STAG1: variants seen among roughly 807,000 people sequenced by gnomAD.
STAG1 encodes the protein STAG1 cohesin complex component.
In STAG1, 26 loss-of-function variants were observed where a neutral mutation model predicts 170.9. That is an observed-to-expected ratio of 0.15 (90% CI 0.11 to 0.21). The LOEUF (loss-of-function observed/expected upper bound fraction) is 0.21, where lower values mean the gene tolerates loss of function less well. Among genes scored for constraint, STAG1 ranks in the 10% least tolerant of loss-of-function variants. The pLI, the probability that STAG1 is intolerant of heterozygous loss-of-function variation, is 1.00. For missense variants in STAG1, 964 were observed against 1,509.5 expected, an observed-to-expected ratio of 0.64 and a Z score of 5.99; for synonymous variants, 514 against 497.7, an observed-to-expected ratio of 1.03 and a Z score of -0.44.
intron 25 of STAG1, among the ~76,000 whole-genome samples, chr3:136,364,757 C>T (rs1426947924): frequency 6.6e-6 from 1 of 152,132 alleles, no homozygotes; most frequent in African/African-American, 2.4e-5. Context: ...ACCATTAAAT[C>T]TGGACATTGT....
chr3:136,459,925 CAAT>C (rs1408499693), intron 13 of STAG1, among the ~76,000 whole-genome samples: 2 of 151,776 alleles, frequency 1.3e-5, no homozygotes, highest in African/African-American at 2.4e-5. Flanking sequence ...AAACAGACAA[CAAT>C]AATGAAAGGT....
At chr3:136,591,285 G>A (rs1341218389) in intron 4 of STAG1, among the ~76,000 whole-genome samples, 1 of 148,858 alleles carries the variant, frequency 6.7e-6, no homozygotes, top group Non-Finnish European at 1.5e-5. Context: ...GAGGGAAGGC[G>A]GGAAGGTGGG....
At chr3:136,699,482 C>T (rs1942985081) in intron 1 of STAG1, among the ~76,000 whole-genome samples, 2 of 152,062 alleles carry the variant, frequency 1.3e-5, no homozygotes, top group Admixed American at 1.3e-4. Flanking sequence ...CCTCTGCCTC[C>T]CGAGCTCAGA....
intron 13 of STAG1, among the ~76,000 whole-genome samples, chr3:136,459,220 G>GAAAAAAAAAA (rs769155825): frequency 3.3e-5 from 3 of 91,344 alleles, no homozygotes; most frequent in East Asian, 5.0e-4. Context: ...CTGTCTTAAA[G>GAAAAAAAAAA]AAAAAAAAAA....
chr3:136,443,488 T>C (rs1284941320), intron 14 of STAG1, 84 bp from the exon 15 acceptor site: 1 of 978,636 alleles, frequency 1.0e-6, no homozygotes, highest in East Asian at 2.5e-5. Flanking sequence ...ATCATTTTCT[T>C]CATAATTAAA....
intron 1 of STAG1, among the ~76,000 whole-genome samples, chr3:136,685,062 C>T (rs1942467027): frequency 6.6e-6 from 1 of 151,926 alleles, no homozygotes; most frequent in Non-Finnish European, 1.5e-5. Context: ...CGCCTGTAAT[C>T]CCAGCACTTT....
intron 6 of STAG1, among the ~76,000 whole-genome samples, chr3:136,534,114 C>A (rs1410835048): frequency 2.0e-5 from 3 of 152,120 alleles, no homozygotes; most frequent in African/African-American, 7.2e-5. Flanking sequence ...ATATTTACAG[C>A]CAACTGATGT....
At chr3:136,499,031 A>C (rs913114171) in intron 9 of STAG1, among the ~76,000 whole-genome samples, 5 of 152,220 alleles carry the variant, frequency 3.3e-5, no homozygotes, top group African/African-American at 1.2e-4. Flanking sequence ...GTCTCTGAGT[A>C]ATCTGCATAT....
chr3:136,531,695 G>A (rs910190790), intron 6 of STAG1, among the ~76,000 whole-genome samples: 1 of 148,928 alleles, frequency 6.7e-6, no homozygotes, highest in South Asian at 2.2e-4. Context: ...TCACTCATAG[G>A]TGGGAATTGA....
intron 7 of STAG1, among the ~76,000 whole-genome samples, chr3:136,507,783 A>T (rs960588092): frequency 1.3e-5 from 2 of 152,304 alleles, no homozygotes; most frequent in African/African-American, 4.8e-5. Flanking sequence ...TGAATACATT[A>T]AAAAAACCTG....
intron 10 of STAG1, among the ~76,000 whole-genome samples, chr3:136,474,072 T>A (rs1252237476): frequency 6.6e-6 from 1 of 152,202 alleles, no homozygotes; most frequent in African/African-American, 2.4e-5. Context: ...CAATTTATAT[T>A]CCAGGGACAG....
chr3:136,561,188 G>C (rs1471049861), intron 5 of STAG1, among the ~76,000 whole-genome samples: 2 of 152,110 alleles, frequency 1.3e-5, no homozygotes, highest in African/African-American at 4.8e-5. Context: ...CTTGTCCCTT[G>C]TCGTTTGACT....
intron 12 of STAG1, among the ~76,000 whole-genome samples, chr3:136,465,558 CAAAAAAA>C (rs11364802): frequency 3.7e-4 from 18 of 48,220 alleles, no homozygotes; most frequent in African/African-American, 4.9e-4. Context: ...ACTCTTGCCT[CAAAAAAA>C]AAAAAAAAAA....
At chr3:136,345,466 T>G (rs34637930) in intron 29 of STAG1, among the ~76,000 whole-genome samples, 3,735 of 98,124 alleles carry the variant, frequency 0.038, 111 homozygotes, top group Admixed American at 0.14. Flanking sequence ...TTTTTTTTTT[T>G]TTTTTTTTTT....
intron 1 of STAG1, among the ~76,000 whole-genome samples, chr3:136,683,158 A>G (rs1942396726): frequency 6.6e-6 from 1 of 152,224 alleles, no homozygotes; most frequent in Non-Finnish European, 1.5e-5. Context: ...CACTTCTGCA[A>G]AACAAGAGTT....
At chr3:136,501,941 G>T (rs1933500774) in intron 8 of STAG1, among the ~76,000 whole-genome samples, 1 of 152,064 alleles carries the variant, frequency 6.6e-6, no homozygotes, top group Admixed American at 6.6e-5. Flanking sequence ...CAGCACTTTG[G>T]GAGGCCGAGG....
In STAG1 at chr3:136,495,644, C is replaced by G. The variant is rs371305215; in HGVS notation, c.902+4579G>C. The stretch of plus-strand genomic sequence containing the variant: ...GGTCAAGAGTTCGAGACCAGCCTGA[C>G]CAACATGGTGAAACTCCGCCTCTAT... On this transcript the variant is annotated intron_variant, in intron 9 of 33. Coordinates refer to ENST00000383202, the MANE Select transcript of STAG1 (RefSeq NM_005862.3). Among the ~76,000 whole-genome samples, 33 of 150,564 alleles carry G rather than the reference C, an allele frequency of 2.2e-4. No individual in the cohort carries two copies. The East Asian group carries it at 5.8e-3, about 27-fold the overall frequency.
At chr3:136,620,542 C>T (rs1939796304) in intron 3 of STAG1, among the ~76,000 whole-genome samples, 1 of 152,188 alleles carries the variant, frequency 6.6e-6, no homozygotes, top group South Asian at 2.1e-4. Context: ...TCATATTCTA[C>T]TCTGTAAACT....
intron 6 of STAG1, among the ~76,000 whole-genome samples, chr3:136,531,303 C>T (rs1935353999): frequency 6.7e-6 from 1 of 149,960 alleles, no homozygotes; most frequent in South Asian, 2.2e-4. Context: ...CACTTTTACA[C>T]TGTTGGTGGG....
Sources: allele counts gnomAD v4.1 joint callset (sites outside exome capture counted in the v4.1 genomes callset), GRCh38; gene constraint gnomAD v4.1.1; transcripts MANE v1.5; gene names NCBI Gene and HGNC (gene_info 2026-07-23, HGNC 2026-07-21).